TEX36: variants seen among roughly 807,000 people sequenced by gnomAD.
TEX36 encodes testis-expressed protein 36.
In TEX36, 12 loss-of-function variants were observed where a neutral mutation model predicts 13.6. That is an observed-to-expected ratio of 0.88 (90% CI 0.56 to 1.43). The LOEUF is 1.43. TEX36 is among the 40% of genes most tolerant of loss of function. The probability of loss-of-function intolerance (pLI) is 0.00; values close to 1 mark genes in which losing one functional copy is unlikely to be tolerated. For missense variants in TEX36, 224 were observed against 228.3 expected, an observed-to-expected ratio of 0.98 and a Z score of 0.12; for synonymous variants, 93 against 83.0, an observed-to-expected ratio of 1.12 and a Z score of -0.65.
intron 3 of TEX36, among the ~76,000 whole-genome samples, chr10:125,596,350 G>A (rs1846081985): frequency 6.6e-6 from 1 of 152,144 alleles, no homozygotes; most frequent in African/African-American, 2.4e-5. Flanking sequence ...TAGAGGTGAG[G>A]AAGTTAGAAG....
intron 3 of TEX36, among the ~76,000 whole-genome samples, chr10:125,630,489 G>C (rs925325078): frequency 3.3e-5 from 5 of 152,200 alleles, no homozygotes; most frequent in Admixed American, 6.5e-5. Flanking sequence ...TTCTGAGAGA[G>C]AGAATACTAG....
At chr10:125,579,418 C>A (rs1301706004) in intron 3 of TEX36, among the ~76,000 whole-genome samples, 2 of 152,174 alleles carry the variant, frequency 1.3e-5, no homozygotes, top group African/African-American at 4.8e-5. Context: ...GGGGGAACTG[C>A]CTCCATGGTC....
rs2133596645 is a variant in TEX36, at chr10:125,661,922, G to T, written c.107C>A (p.Ser36Ter). 3 of 1,552,358 alleles carry T rather than the reference G, an allele frequency of 1.9e-6. No individual in the cohort carries two copies. Among genetic ancestry groups the T allele is most frequent in the Non-Finnish European group, 2.6e-6 (3 of 1,147,138 alleles). Residue 36 changes from serine to a stop codon, truncating the protein, a stop_gained, in exon 2 of 4, where the codon TCA (serine) becomes TAA (stop). Transcript: ENST00000368821. LOFTEE classifies it high-confidence loss of function. ...CAAGTGTGGACTCTGGGGCTCTTTTGACGTAGCACTGGTGATGGATTCTGG... is the reference window on the plus strand; with the variant it reads ...CAAGTGTGGACTCTGGGGCTCTTTTTACGTAGCACTGGTGATGGATTCTGG... ...KTPESITSAT[S>*]KEPQSPHLPR...
chr10:125,602,313 C>A (rs1291721274), intron 3 of TEX36, among the ~76,000 whole-genome samples: 1 of 152,172 alleles, frequency 6.6e-6, no homozygotes, highest in Non-Finnish European at 1.5e-5. Flanking sequence ...TGAATATTGT[C>A]ATTCTTGTGC....
intron 3 of TEX36, among the ~76,000 whole-genome samples, chr10:125,621,834 G>A (rs1216513002): frequency 1.3e-5 from 2 of 152,110 alleles, no homozygotes; most frequent in Non-Finnish European, 2.9e-5. Context: ...GGAGTGGGAG[G>A]AAGCACCCAT....
chr10:125,646,381 C>T (rs1183644402), intron 3 of TEX36, among the ~76,000 whole-genome samples: 2 of 152,076 alleles, frequency 1.3e-5, no homozygotes, highest in Non-Finnish European at 2.9e-5. Context: ...CAACTGCAAG[C>T]TATTTAAAAA....
chr10:125,667,043 G>A (rs1276636935), intron 1 of TEX36: 5 of 1,488,166 alleles, frequency 3.4e-6, no homozygotes, highest in Non-Finnish European at 4.6e-6. Context: ...CAGGGCAGAG[G>A]CCTGCAGGGC....
chr10:125,636,203 ATTTTTTTT>A (rs748673256), intron 3 of TEX36, among the ~76,000 whole-genome samples: 1 of 121,698 alleles, frequency 8.2e-6, no homozygotes, highest in Admixed American at 8.3e-5. Flanking sequence ...TGTTTGCTGA[ATTTTTTTT>A]TTTTTTTTTT....
chr10:125,636,435 C>T (rs1024836178), intron 3 of TEX36, among the ~76,000 whole-genome samples: 4 of 149,182 alleles, frequency 2.7e-5, no homozygotes, highest in South Asian at 2.1e-4. Context: ...AGGATGGTCT[C>T]GATCTCCTGA....
intron 3 of TEX36, among the ~76,000 whole-genome samples, chr10:125,597,423 C>G (rs187300667): frequency 6.6e-6 from 1 of 152,302 alleles, no homozygotes; most frequent in African/African-American, 2.4e-5. Context: ...GAGAACCTTG[C>G]AACTAATGCT....
intron 1 of TEX36, among the ~76,000 whole-genome samples, chr10:125,680,038 C>G (rs1847370834): frequency 6.6e-6 from 1 of 152,244 alleles, no homozygotes; most frequent in African/African-American, 2.4e-5. Context: ...TTGCTTTCCT[C>G]TCTTAATATA....
At chr10:125,628,508 C>T (rs984519307) in intron 3 of TEX36, among the ~76,000 whole-genome samples, 2 of 152,160 alleles carry the variant, frequency 1.3e-5, no homozygotes, top group Non-Finnish European at 2.9e-5. Context: ...GCATATCAGT[C>T]TCTAATAACA....
chr10:125,618,970 A>T (rs1025499094), downstream of TEX36, among the ~76,000 whole-genome samples: 6 of 141,770 alleles, frequency 4.2e-5, no homozygotes, highest in African/African-American at 1.6e-4. Flanking sequence ...AAAAAAAAAA[A>T]ATACAAAAAA....
At chr10:125,617,753 C>A (rs1846377114), downstream of TEX36, among the ~76,000 whole-genome samples, 2 of 152,166 alleles carry the variant, frequency 1.3e-5, no homozygotes, top group Non-Finnish European at 2.9e-5. Context: ...GTGAATCTGA[C>A]AATTATGTGT....
intron 1 of TEX36, among the ~76,000 whole-genome samples, chr10:125,680,245 G>A (rs769651335): frequency 1.3e-5 from 2 of 152,176 alleles, no homozygotes; most frequent in Admixed American, 1.3e-4. Flanking sequence ...TGGAAAATCA[G>A]GCTGGGGGTT....
chr10:125,617,800 G>A (rs1302425161), downstream of TEX36, among the ~76,000 whole-genome samples: 10 of 147,978 alleles, frequency 6.8e-5, no homozygotes, highest in Admixed American at 1.4e-4. Context: ...TCTTTGTGGC[G>A]TTCTCTGTAT....
chr10:125,654,582 A>G (rs971834996), downstream of TEX36, among the ~76,000 whole-genome samples: 4 of 152,200 alleles, frequency 2.6e-5, no homozygotes, highest in Non-Finnish European at 4.4e-5. Context: ...ATTCATGTAC[A>G]GAAAAAAATT....
At chr10:125,576,908 T>A in intron 3 of TEX36, 1 of 1,535,896 alleles carries the variant, frequency 6.5e-7, no homozygotes, top group Non-Finnish European at 8.7e-7. Flanking sequence ...GAACCATGAG[T>A]AGTTGTGTGC....
At chr10:125,650,295 G>C (rs1009002407) in intron 3 of TEX36, among the ~76,000 whole-genome samples, 2 of 152,128 alleles carry the variant, frequency 1.3e-5, no homozygotes, top group African/African-American at 4.8e-5. Context: ...ATAACAAACT[G>C]TCTCTCAGAC....
Sources: gnomAD v4.1 joint callset for allele counts (sites outside exome capture counted in the v4.1 genomes callset) on GRCh38, gnomAD v4.1.1 for gene constraint, MANE v1.5 for transcripts, NCBI Gene and HGNC (gene_info 2026-07-23, HGNC 2026-07-21) for gene names.